The following CPA6 variants were observed in gnomAD, a reference collection of about 807,000 sequenced individuals.
CPA6 encodes the protein carboxypeptidase B.
A neutral mutation model predicts 63.3 loss-of-function variants in CPA6; 58 were observed. The ratio of observed to expected loss-of-function variants is 0.92; its 90% CI spans 0.74 to 1.14. CPA6 has a LOEUF of 1.14. Among genes scored for constraint, CPA6 ranks in the 50% most tolerant of loss-of-function variants. The pLI is 0.00. For missense variants in CPA6, 565 were observed against 526.6 expected (o/e 1.07, Z -0.71); for synonymous variants, 185 against 179.0 (o/e 1.03, Z -0.27).
At chr8:67,663,272 T>G (rs1816157010) in intron 1 of CPA6, among the ~76,000 whole-genome samples, 1 of 152,236 alleles carries the variant, frequency 6.6e-6, no homozygotes, top group Non-Finnish European at 1.5e-5. Context: ...TGGATTCGGT[T>G]AAGCCTGGTT....
At chr8:67,676,150 G>C (rs1337056471) in intron 1 of CPA6, among the ~76,000 whole-genome samples, 3 of 152,120 alleles carry the variant, frequency 2.0e-5, no homozygotes, top group African/African-American at 4.8e-5. Flanking sequence ...TTGGTCTTTT[G>C]CTTTTTAGCG....
intron 5 of CPA6, among the ~76,000 whole-genome samples, chr8:67,509,139 A>G (rs1427475661): frequency 1.3e-5 from 2 of 152,178 alleles, no homozygotes; most frequent in Admixed American, 6.5e-5. Flanking sequence ...TCATGATTCA[A>G]TCACCTCCCA....
At chr8:67,639,424 C>G (rs965805857) in intron 1 of CPA6, among the ~76,000 whole-genome samples, 2 of 151,582 alleles carry the variant, frequency 1.3e-5, no homozygotes, top group Admixed American at 6.6e-5. Context: ...ATGTGGGGTC[C>G]AGCTACTGCA....
chr8:67,710,409 C>G (rs1205002772), intron 1 of CPA6, among the ~76,000 whole-genome samples: 1 of 149,156 alleles, frequency 6.7e-6, no homozygotes, highest in Non-Finnish European at 1.5e-5. Flanking sequence ...CCCCACCCCC[C>G]CCCAACCCCC....
chr8:67,571,633 T>C (rs901759800), intron 2 of CPA6, among the ~76,000 whole-genome samples: 2 of 152,144 alleles, frequency 1.3e-5, no homozygotes, highest in Non-Finnish European at 2.9e-5. Context: ...TTAAAAAATA[T>C]CTTGAGACCA....
rs1814106287 is a variant in CPA6 at position 67,590,989 on chromosome 8, G to T, written c.192+33187C>A. Among the ~76,000 whole-genome samples the T allele has an allele frequency of 2.6e-5, 4 of 152,258 alleles. No individual in the cohort carries two copies. In the South Asian group the frequency reaches 8.3e-4, roughly 32 times the overall value. On this transcript the variant is annotated intron_variant, in intron 2 of 10. Transcript: ENST00000297770. ...CCTATGTTCTGAATGGTAATGCCTA[G>T]GTTTTCTTCTAGGGTTTTTATGGTT... is the stretch of plus-strand genomic sequence containing the variant.
At chr8:67,616,067 A>G (rs1237588611) in intron 2 of CPA6, among the ~76,000 whole-genome samples, 1 of 152,198 alleles carries the variant, frequency 6.6e-6, no homozygotes, top group Admixed American at 6.5e-5. Flanking sequence ...TTTGAAGTCT[A>G]TACCCTAGGC....
At chr8:67,573,454 CA>C (rs1813537823) in intron 2 of CPA6, among the ~76,000 whole-genome samples, 1 of 152,120 alleles carries the variant, frequency 6.6e-6, no homozygotes, top group Non-Finnish European at 1.5e-5. Context: ...ACACAAAAAT[CA>C]GTGGCATTTC....
rs1168971211 is a variant in CPA6, at chr8:67,434,101, A to G, written c.978T>C (p.Tyr326=). ...AATAGGGATACAGTAACATCTGAGC[A>G]TATGCATGAAAGGAGAGATAAGCCC... is the stretch of plus-strand genomic sequence containing the variant. ...HIRAYLSFHA[Y]AQMLLYPYSY... Residue 326 remains tyrosine (Y), a synonymous_variant, in exon 9 of 11, where the codon TAT becomes TAC. Coordinates refer to ENST00000297770, the MANE Select transcript of CPA6 (RefSeq NM_020361.5). 1 of 1,613,936 alleles carries G rather than the reference A, an allele frequency of 6.2e-7. No individual in the cohort carries two copies. The highest frequency in any genetic ancestry group is 8.5e-7 in the Non-Finnish European group (1 of 1,179,910).
At chr8:67,495,887 C>T (rs1288611712) in intron 6 of CPA6, among the ~76,000 whole-genome samples, 1 of 152,150 alleles carries the variant, frequency 6.6e-6, no homozygotes, top group Non-Finnish European at 1.5e-5. Context: ...GGACCAAACT[C>T]TGCCTGGCTT....
At chr8:67,505,537 C>A (rs998408038) in intron 6 of CPA6, among the ~76,000 whole-genome samples, 4 of 152,022 alleles carry the variant, frequency 2.6e-5, no homozygotes, top group Non-Finnish European at 4.4e-5. Flanking sequence ...CCTGAAATAG[C>A]AGACAATGTG....
chr8:67,478,839 C>T (rs1811297769), intron 8 of CPA6, among the ~76,000 whole-genome samples: 1 of 152,152 alleles, frequency 6.6e-6, no homozygotes, highest in Admixed American at 6.5e-5. Flanking sequence ...GAGTTCGAGA[C>T]CAGCCTGGCC....
chr8:67,560,893 C>T (rs974943733), intron 2 of CPA6, among the ~76,000 whole-genome samples: 3 of 152,122 alleles, frequency 2.0e-5, no homozygotes, highest in Admixed American at 2.0e-4. Flanking sequence ...AGCCATTTTC[C>T]CTGCCCACAT....
At chr8:67,468,152 C>A (rs1395309110) in intron 8 of CPA6, among the ~76,000 whole-genome samples, 1 of 152,124 alleles carries the variant, frequency 6.6e-6, no homozygotes, top group African/African-American at 2.4e-5. Context: ...CCCTAACAGG[C>A]AATGCCAACA....
chr8:67,627,457 T>C (rs968454708), intron 1 of CPA6, among the ~76,000 whole-genome samples: 1 of 152,164 alleles, frequency 6.6e-6, no homozygotes, highest in African/African-American at 2.4e-5. Flanking sequence ...TGTTTGTTTG[T>C]TTTTAACTGT....
rs546805954 is a variant in CPA6 at position 67,599,950 on chromosome 8, A to G, written c.192+24226T>C. Among the ~76,000 whole-genome samples, 226 of 152,332 alleles carry G rather than the reference A, an allele frequency of 1.5e-3. 3 individuals carry two copies. Among genetic ancestry groups the G allele is most frequent in the Non-Finnish European group, 6.6e-4 (45 of 68,034 alleles). ...TTTAACAAAGGAACTGACTTCAGAAAGATGGTAGAAACTAGATTTCTTCTG... is the reference window on the plus strand; with the variant it reads ...TTTAACAAAGGAACTGACTTCAGAAGGATGGTAGAAACTAGATTTCTTCTG... On this transcript the variant is annotated intron_variant, in intron 2 of 10. Coordinates refer to ENST00000297770, the MANE Select transcript of CPA6 (RefSeq NM_020361.5).
At chr8:67,704,246 C>T (rs1020484775) in intron 1 of CPA6, among the ~76,000 whole-genome samples, 1 of 152,178 alleles carries the variant, frequency 6.6e-6, no homozygotes, top group Non-Finnish European at 1.5e-5. Flanking sequence ...ACCCCAAATA[C>T]AAATTTTCCT....
intron 8 of CPA6, among the ~76,000 whole-genome samples, chr8:67,443,487 G>A (rs978475978): frequency 1.1e-4 from 17 of 151,550 alleles, no homozygotes; most frequent in Non-Finnish European, 2.5e-4. Context: ...TAACTGTGAA[G>A]TTTTTTTTTA....
chr8:67,443,261 T>C (rs1810336236), intron 8 of CPA6, among the ~76,000 whole-genome samples: 1 of 152,126 alleles, frequency 6.6e-6, no homozygotes, highest in African/African-American at 2.4e-5. Context: ...GGTTTCACCA[T>C]GCTGGCCAGG....
Sources: allele counts gnomAD v4.1 joint callset (sites outside exome capture counted in the v4.1 genomes callset), GRCh38; gene constraint gnomAD v4.1.1; transcripts MANE v1.5; gene names NCBI Gene and HGNC (gene_info 2026-07-23, HGNC 2026-07-21).